Variants in XRN1 observed in about 807,000 individuals in gnomAD.
The protein encoded by XRN1 is strand-exchange protein 1 homolog.
In XRN1, 67 loss-of-function variants were observed where a neutral mutation model predicts 222.3. The ratio of observed to expected loss-of-function variants is 0.30; its 90% confidence interval spans 0.25 to 0.37. XRN1 has a LOEUF of 0.37. Ranked by LOEUF, XRN1 falls within the 10% of genes least tolerant of loss-of-function variation. XRN1 has a pLI of 1.00. For synonymous variants in XRN1, 643 were observed against 652.4 expected (o/e 0.99, Z 0.22); for missense variants, 1,707 against 2,000.2 (o/e 0.85, Z 2.80).
Position 142,307,716 on chromosome 3 carries a change from C to A in XRN1, c.*3795G>T, listed in dbSNP as rs184175476. Reference sequence around the variant, plus strand: ...GAAATATGAATAAAGTCAGTCCGAACGACATTAATTTCTGGAATTTTAAGC... The same window carrying A: ...GAAATATGAATAAAGTCAGTCCGAAAGACATTAATTTCTGGAATTTTAAGC... On this transcript the variant is annotated 3_prime_UTR_variant, in exon 41 of 41. Transcript: ENST00000392981. The A allele has an allele frequency of 6.6e-6, 1 of 152,030 alleles. No homozygotes were observed. The highest frequency in any genetic ancestry group is 1.9e-4 in the East Asian group (1 of 5,190). The allele number at this position is 152,030 out of a possible 1,614,324, so 9.4% of individuals were successfully genotyped here. A position where few individuals can be genotyped will look rare whatever the true frequency, so the allele number is the denominator to read the frequency against.
intron 22 of XRN1, among the ~76,000 whole-genome samples, chr3:142,382,609 T>G (rs939124347): frequency 1.3e-5 from 2 of 152,160 alleles, no homozygotes; most frequent in African/African-American, 4.8e-5. Context: ...GTATCTTCCC[T>G]GCCCCAGATC....
At chr3:142,434,465 G>A (rs924164382) in intron 1 of XRN1, among the ~76,000 whole-genome samples, 1 of 150,580 alleles carries the variant, frequency 6.6e-6, no homozygotes, top group Non-Finnish European at 1.5e-5. Context: ...GAGCCACTGC[G>A]CCTGGCCTCA....
At position 142,418,560 on chromosome 3, in the gene XRN1, A is replaced by G. The variant is rs1001915184; in HGVS notation, c.1290T>C (p.Phe430=). The change falls in exon 12 of 41, where the codon TTT becomes TTC. Residue 430 remains phenylalanine (F), a synonymous_variant. Coordinates refer to ENST00000392981, the MANE Select transcript of XRN1 (RefSeq NM_001282857.2). ...TEDDDLFETE[F]RQYKRTYYMT... is the part of the protein sequence containing the mutation. ...TGTAATATGTTCTTTTATATTGTCT[A>G]AACTCAGTTTCAAATAGGTCATCAT... 2.5e-6 allele frequency: 4 copies of G among 1,611,536 alleles called. No homozygotes were observed. Among genetic ancestry groups the G allele is most frequent in the African/African-American group, 1.3e-5 (1 of 74,846 alleles).
intron 10 of XRN1, 99 bp downstream of exon 10, chr3:142,420,917 G>A (rs373085396): frequency 4.7e-5 from 70 of 1,491,928 alleles, no homozygotes; most frequent in Admixed American, 2.2e-4. Flanking sequence ...GAAATAAAAC[G>A]AGGCAATCCC....
intron 2 of XRN1, among the ~76,000 whole-genome samples, chr3:142,427,398 T>C (rs1028600193): frequency 1.3e-5 from 2 of 152,100 alleles, no homozygotes; most frequent in African/African-American, 4.8e-5. Context: ...TTTAACAGAA[T>C]GTTAAAAACA....
chr3:142,387,037 G>A (rs995326594), intron 20 of XRN1, among the ~76,000 whole-genome samples: 4 of 152,112 alleles, frequency 2.6e-5, no homozygotes, highest in East Asian at 1.9e-4. Context: ...ATATATACAC[G>A]TTCACCAAGA....
At chr3:142,336,035 C>T (rs578228871) in intron 33 of XRN1, among the ~76,000 whole-genome samples, 1 of 152,214 alleles carries the variant, frequency 6.6e-6, no homozygotes, top group African/African-American at 2.4e-5. Context: ...AAGAATAGTA[C>T]AAGACCAACT....
At chr3:142,376,204 A>G in intron 24 of XRN1, 1 of 651,640 alleles carries the variant, frequency 1.5e-6, no homozygotes, top group Non-Finnish European at 2.4e-6. Flanking sequence ...TGAAATAACA[A>G]GATGCAAGGA....
chr3:142,445,457 A>G (rs2070460989), intron 1 of XRN1, among the ~76,000 whole-genome samples: 1 of 152,080 alleles, frequency 6.6e-6, no homozygotes, highest in Non-Finnish European at 1.5e-5. Context: ...ACCTTTCTGT[A>G]GCTCATTTTT....
intron 29 of XRN1, among the ~76,000 whole-genome samples, chr3:142,362,002 T>G (rs6440079): frequency 0.056 from 7,735 of 139,034 alleles, 910 homozygotes; most frequent in African/African-American, 0.21. Context: ...AGAGTCTTGC[T>G]CTGTTGCCCA....
chr3:142,405,083 A>G lies in XRN1; in HGVS notation c.1714-7T>C, dbSNP rs773792017. 38 of 1,613,094 alleles carry G rather than the reference A, an allele frequency of 2.4e-5. No homozygotes were observed. The highest frequency in any genetic ancestry group is 1.3e-5 in the Non-Finnish European group (15 of 1,179,344). On this transcript the variant is annotated splice_region_variant and splice_polypyrimidine_tract_variant and intron_variant, in intron 15 of 40. Coordinates refer to ENST00000392981, the MANE Select transcript of XRN1 (RefSeq NM_001282857.2). ...TGGCTTCCAATAATCGCTTCTGAAT[A>G]TAAGGATTGAAGAGAAGGGTTACAA...
intron 20 of XRN1, among the ~76,000 whole-genome samples, chr3:142,395,939 G>A (rs2067912607): frequency 6.6e-6 from 1 of 151,964 alleles, no homozygotes; most frequent in South Asian, 2.1e-4. Flanking sequence ...TTCAGATATC[G>A]ATTTAATCAA....
In XRN1 at chr3:142,312,747, G is replaced by C. The variant is rs200962555; in HGVS notation, c.4633C>G (p.Pro1545Ala). ...GAGCCAAAGAGATGAGACGACGAAG[G>C]CATTATATTAGCTGTTAAAAACCAA... ...AFPPPTANIM[P>A]SSSHLFGSMP... The change falls in exon 40 of 41, where the codon CCT (proline) becomes GCT (alanine). Residue 1545 changes from proline (P) to alanine (A), a missense_variant. This residue lies in a region of XRN1 where 473 missense variants were observed against 482.0 expected (regional missense o/e 0.98). Transcript: ENST00000392981. The C allele has an allele frequency of 3.0e-4, 487 of 1,607,518 alleles. No homozygotes were observed. The highest frequency in any genetic ancestry group is 4.3e-4 in the Admixed American group (25 of 58,534).
chr3:142,376,536 C>A lies in XRN1; in HGVS notation c.2774G>T (p.Gly925Val), dbSNP rs984635067. The A allele has an allele frequency of 1.2e-6, 2 of 1,613,362 alleles. No individual in the cohort carries two copies. The highest frequency in any genetic ancestry group is 1.7e-6 in the Non-Finnish European group (2 of 1,179,564). The stretch of plus-strand genomic sequence containing the variant: ...TCCTGTAAACCTTGAAACAAGGTAT[C>A]CACTCACTCCAAGGCGACTGGCCAA... ...YVLASRLGVSGYLVSRFTGSI... is the reference protein window; with the variant it reads ...YVLASRLGVSVYLVSRFTGSI... Residue 925 changes from glycine (G) to valine (V), a missense_variant, in exon 24 of 41, where the codon GGA becomes GTA. By Grantham distance (109) the Gly-to-Val change is moderately radical (BLOSUM62 -3). This residue lies in a region of XRN1 where 1,234 missense variants were observed against 1,518.2 expected (regional missense o/e 0.81). Transcript: ENST00000392981.
At position 142,329,427 on chromosome 3, in the gene XRN1, A is replaced by G; in HGVS notation, c.4404+7T>C. 6.5e-7 allele frequency: 1 copy of G among 1,545,578 alleles called. No homozygotes were observed. The highest frequency in any genetic ancestry group is 8.7e-7 in the Non-Finnish European group (1 of 1,151,962). On this transcript the variant is annotated splice_region_variant and intron_variant, in intron 37 of 40. Coordinates refer to ENST00000392981, the MANE Select transcript of XRN1 (RefSeq NM_001282857.2). ...ATTTATATAAATAGAACAGTAGTAT[A>G]CTATACCTGTGGCATCCTAAGAAAG...
At position 142,448,018 on chromosome 3, in the gene XRN1, C is replaced by T. The variant is rs2070608753; in HGVS notation, c.-74G>A. On this transcript the variant is annotated 5_prime_UTR_variant, in exon 1 of 41. Transcript: ENST00000392981. ...CCCCGCCGGGGCTCCGCCGCAGCCT[C>T]CGGTCGTCGCTCCGCGGATGACAAC... The T allele has an allele frequency of 1.3e-6, 2 of 1,504,308 alleles. No homozygotes were observed. The highest frequency in any genetic ancestry group is 1.7e-5 in the Admixed American group (1 of 58,700). The allele number at this position is 1,504,308 out of a possible 1,614,324, so 93.2% of individuals were successfully genotyped here.
intron 39 of XRN1, among the ~76,000 whole-genome samples, chr3:142,314,984 C>T (rs1327258316): frequency 8.6e-6 from 1 of 116,892 alleles, no homozygotes; most frequent in Non-Finnish European, 1.6e-5. Context: ...ACCTAGGCTA[C>T]AGTGCAGTGG....
In XRN1 at chr3:142,312,601, C is replaced by T; in HGVS notation, c.4779G>A (p.Leu1593=). ...TTAAAAATATTATTTTTCTTACCTG[C>T]AGAGGTATAAACTGATTGTGCACAC... is the stretch of plus-strand genomic sequence containing the variant. ...PGGVHNQFIP[L]QVTKKRVANK... is the part of the protein sequence containing the mutation. The change falls in exon 40 of 41, where the codon CTG becomes CTA. Residue 1593 remains leucine (L), a synonymous_variant. Coordinates refer to ENST00000392981, the MANE Select transcript of XRN1 (RefSeq NM_001282857.2). The T allele has an allele frequency of 6.4e-7, 1 of 1,558,756 alleles. No homozygotes were observed. Among genetic ancestry groups the T allele is most frequent in the Non-Finnish European group, 8.7e-7 (1 of 1,151,294 alleles).
chr3:142,429,265 C>A (rs1052541943), intron 2 of XRN1, among the ~76,000 whole-genome samples: 3 of 151,052 alleles, frequency 2.0e-5, no homozygotes, highest in Non-Finnish European at 4.4e-5. Flanking sequence ...CTCTGCCTCA[C>A]CCTCCCGAGT....
Sources: allele counts gnomAD v4.1 joint callset (sites outside exome capture counted in the v4.1 genomes callset), GRCh38; gene constraint gnomAD v4.1.1; regional missense constraint gnomAD v4.1.1; transcripts MANE v1.5; gene names NCBI Gene and HGNC (gene_info 2026-07-23, HGNC 2026-07-21).